Variants in VAV3 observed in about 807,000 individuals in gnomAD.
VAV3 encodes guanine nucleotide exchange factor VAV3.
VAV3 carries 94 observed loss-of-function variants against 131.2 expected under a neutral mutation model. The observed-to-expected ratio is 0.72, with a 90% confidence interval of 0.61 to 0.85. The LOEUF (loss-of-function observed/expected upper bound fraction) is 0.85, where lower values mean the gene tolerates loss of function less well. Among genes scored for constraint, VAV3 ranks in the 40% least tolerant of loss-of-function variants. The pLI is 0.00. For missense variants in VAV3, 939 were observed against 1,002.7 expected (o/e 0.94, Z 0.86); for synonymous variants, 349 against 342.0 (o/e 1.02, Z -0.22).
intron 2 of VAV3, among the ~76,000 whole-genome samples, chr1:107,859,575 G>GT (rs1571055055): frequency 6.6e-6 from 1 of 152,186 alleles, no homozygotes; most frequent in East Asian, 1.9e-4. Flanking sequence ...TATTTACTGA[G>GT]TCCCTTCCAC....
chr1:107,618,672 G>A (rs1653348033), intron 20 of VAV3, among the ~76,000 whole-genome samples: 1 of 152,118 alleles, frequency 6.6e-6, no homozygotes, highest in Non-Finnish European at 1.5e-5. Flanking sequence ...TTACAGATGA[G>A]GAAAATGAGA....
intron 1 of VAV3, among the ~76,000 whole-genome samples, chr1:107,898,963 T>TAA (rs1671735553): frequency 6.6e-6 from 1 of 152,172 alleles, no homozygotes; most frequent in African/African-American, 2.4e-5. Flanking sequence ...CTCTGAGTAC[T>TAA]AAGGATGTAG....
chr1:107,624,816 A>T (rs1460239212), intron 20 of VAV3, among the ~76,000 whole-genome samples: 1 of 152,252 alleles, frequency 6.6e-6, no homozygotes, highest in Non-Finnish European at 1.5e-5. Flanking sequence ...TAATATGCAC[A>T]AGGCACTGTG....
intron 22 of VAV3, chr1:107,609,488 T>A (rs1652548481): frequency 6.5e-6 from 1 of 153,080 alleles, no homozygotes; most frequent in African/African-American, 2.4e-5. Flanking sequence ...TGGGTTATGA[T>A]GGCATCGCTG....
At chr1:107,700,708 C>T (rs1424079409) in intron 17 of VAV3, among the ~76,000 whole-genome samples, 1 of 152,200 alleles carries the variant, frequency 6.6e-6, no homozygotes, top group Non-Finnish European at 1.5e-5. Flanking sequence ...CACTGATGGG[C>T]ATTTGGGCTG....
At chr1:107,644,210 C>T (rs2101522521) in intron 19 of VAV3, among the ~76,000 whole-genome samples, 1 of 152,242 alleles carries the variant, frequency 6.6e-6, no homozygotes, top group Non-Finnish European at 1.5e-5. Context: ...TTTACATATT[C>T]TATTAAGTTG....
At position 107,806,693 on chromosome 1, in the gene VAV3, G is replaced by A. The variant is rs559460574; in HGVS notation, c.322-27201C>T. Among the ~76,000 whole-genome samples, 335 of 152,174 alleles carry A rather than the reference G, an allele frequency of 2.2e-3. 1 individual carries two copies. Among genetic ancestry groups the A allele is most frequent in the Non-Finnish European group, 3.0e-3 (207 of 68,014 alleles). On this transcript the variant is annotated intron_variant, in intron 2 of 26. Coordinates refer to ENST00000370056, the MANE Select transcript of VAV3 (RefSeq NM_006113.5). ...ATGAGGTGTTGCTCAGTCCAACATT[G>A]TAGACCAAACCTAACATAACCACAA...
rs1202100293 is a variant in VAV3 at position 107,572,791 on chromosome 1, T to G, written c.*540A>C. 1 of 152,974 alleles carries G rather than the reference T, an allele frequency of 6.5e-6. No homozygotes were observed. Among genetic ancestry groups the G allele is most frequent in the Non-Finnish European group, 1.5e-5 (1 of 68,336 alleles). The allele number at this position is 152,974 out of a possible 1,614,324, so 9.5% of individuals were successfully genotyped here. A position where few individuals can be genotyped will look rare whatever the true frequency, so the allele number is the denominator to read the frequency against. Reference sequence around the variant, plus strand: ...AGTAACATCTGAGGGTAAAAGTGTTTGCCGGGCAATGAGTCACCTTGTTGG... The same window carrying G: ...AGTAACATCTGAGGGTAAAAGTGTTGGCCGGGCAATGAGTCACCTTGTTGG... On this transcript the variant is annotated 3_prime_UTR_variant, in exon 27 of 27. Transcript: ENST00000370056.
At chr1:107,835,173 C>T (rs937685572) in intron 2 of VAV3, among the ~76,000 whole-genome samples, 2 of 152,184 alleles carry the variant, frequency 1.3e-5, no homozygotes, top group Non-Finnish European at 2.9e-5. Flanking sequence ...GTCCACCAGC[C>T]GCTATCAAGG....
intron 20 of VAV3, among the ~76,000 whole-genome samples, chr1:107,626,713 T>C (rs1406686819): frequency 6.6e-6 from 1 of 152,156 alleles, no homozygotes; most frequent in African/African-American, 2.4e-5. Context: ...TGAGACATCA[T>C]GAAGAAATGC....
intron 17 of VAV3, among the ~76,000 whole-genome samples, chr1:107,692,908 A>G (rs1207507754): frequency 6.6e-6 from 1 of 152,198 alleles, no homozygotes; most frequent in Non-Finnish European, 1.5e-5. Context: ...CTTTGTTTAA[A>G]CTGAGAGGAT....
intron 1 of VAV3, among the ~76,000 whole-genome samples, chr1:107,881,879 A>C (rs1425866908): frequency 6.6e-6 from 1 of 152,196 alleles, no homozygotes; most frequent in African/African-American, 2.4e-5. Context: ...TAAAAAAGGA[A>C]ACATTTGAAG....
chr1:107,633,817 G>T (rs1007147155), intron 20 of VAV3, among the ~76,000 whole-genome samples: 1 of 152,010 alleles, frequency 6.6e-6, no homozygotes, highest in African/African-American at 2.4e-5. Context: ...CACTGAAGAG[G>T]TCAACGTGCA....
intron 2 of VAV3, among the ~76,000 whole-genome samples, chr1:107,832,774 G>A (rs1455505416): frequency 6.6e-5 from 10 of 152,116 alleles, no homozygotes; most frequent in African/African-American, 1.7e-4. Context: ...AAACAGTAAC[G>A]CTGTAGAAAA....
intron 7 of VAV3, 102 bp downstream of exon 7, chr1:107,768,339 A>C (rs1404075567): frequency 1.2e-6 from 1 of 828,974 alleles, no homozygotes; most frequent in Non-Finnish European, 1.8e-6. Flanking sequence ...CAATATTCTT[A>C]AATAATACAA....
intron 1 of VAV3, among the ~76,000 whole-genome samples, chr1:107,882,181 G>A (rs1342765965): frequency 6.6e-6 from 1 of 152,144 alleles, no homozygotes; most frequent in Non-Finnish European, 1.5e-5. Context: ...GACATTTCAT[G>A]AGAAGGTCGG....
chr1:107,664,258 C>A (rs6658829), intron 19 of VAV3, among the ~76,000 whole-genome samples: 3 of 151,954 alleles, frequency 2.0e-5, no homozygotes, highest in African/African-American at 4.8e-5. Flanking sequence ...AAGTAAACAT[C>A]TGCCATGGTG....
At chr1:107,769,026 C>G (rs1288445800) in intron 6 of VAV3, among the ~76,000 whole-genome samples, 1 of 152,162 alleles carries the variant, frequency 6.6e-6, no homozygotes, top group Non-Finnish European at 1.5e-5. Context: ...TCCTTGACCA[C>G]AAATAATCTT....
intron 25 of VAV3, among the ~76,000 whole-genome samples, chr1:107,588,586 A>T (rs1284248712): frequency 6.6e-6 from 1 of 152,208 alleles, no homozygotes; most frequent in East Asian, 1.9e-4. Flanking sequence ...TAACATGAGC[A>T]TTAAACACTA....
Sources: allele counts gnomAD v4.1 joint callset (sites outside exome capture counted in the v4.1 genomes callset), GRCh38; gene constraint gnomAD v4.1.1; transcripts MANE v1.5; gene names NCBI Gene and HGNC (gene_info 2026-07-23, HGNC 2026-07-21).